PDE1C: variants seen among roughly 807,000 people sequenced by gnomAD.
PDE1C encodes phosphodiesterase 1C.
PDE1C carries 62 observed loss-of-function variants against 93.1 expected under a neutral mutation model. That is an observed-to-expected ratio of 0.67 (90% CI 0.54 to 0.82). The LOEUF (loss-of-function observed/expected upper bound fraction) is 0.82. PDE1C is among the 40% of genes least tolerant of loss of function. The pLI, the probability that PDE1C is intolerant of heterozygous loss-of-function variation, is 0.00. For synonymous variants in PDE1C, 325 were observed against 310.1 expected (o/e 1.05, Z -0.50); for missense variants, 742 against 884.6 (o/e 0.84, Z 2.04).
At chr7:31,981,617 C>T (rs979794922) in intron 2 of PDE1C, among the ~76,000 whole-genome samples, 4 of 152,144 alleles carry the variant, frequency 2.6e-5, no homozygotes, top group African/African-American at 4.8e-5. Flanking sequence ...ATGACAAAAT[C>T]TTGTCACTGC....
chr7:31,815,664 G>A (rs923425677), intron 15 of PDE1C, among the ~76,000 whole-genome samples: 1 of 145,146 alleles, frequency 6.9e-6, no homozygotes, highest in Non-Finnish European at 1.5e-5. Context: ...CTGGCAGGCA[G>A]GCAGGCACTG....
intron 3 of PDE1C, among the ~76,000 whole-genome samples, chr7:32,125,352 G>C (rs1799517997): frequency 1.3e-5 from 2 of 152,110 alleles, no homozygotes; most frequent in Admixed American, 6.5e-5. Context: ...ATTTGACCCA[G>C]TAATCCCATT....
intron 1 of PDE1C, among the ~76,000 whole-genome samples, chr7:32,338,007 A>G (rs1783664626): frequency 6.6e-6 from 1 of 152,204 alleles, no homozygotes; most frequent in Non-Finnish European, 1.5e-5. Flanking sequence ...AGCTAAAACT[A>G]AACACTCATA....
rs541164647 is a variant in PDE1C at position 31,991,555 on chromosome 7, AACAGC to A, written c.128+59994_128+59998del. ...TGGGAGCACTGTGAGGATGAAGTAA[AACAGC>A]ATATGCAATGCACCTCCGTAAAGCC... On this transcript the variant is annotated intron_variant, in intron 2 of 17. Coordinates refer to ENST00000396191, the MANE Select transcript of PDE1C (RefSeq NM_001191057.4). Among the ~76,000 whole-genome samples, 155 of 152,294 alleles carry A rather than the reference AACAGC, an allele frequency of 1.0e-3. 1 individual carries two copies. Among genetic ancestry groups the A allele is most frequent in the African/African-American group, 3.7e-3 (153 of 41,550 alleles).
At chr7:31,746,861 C>T (rs74732254), downstream of PDE1C, among the ~76,000 whole-genome samples, 1,718 of 152,192 alleles carry the variant, frequency 0.011, 24 homozygotes, top group African/African-American at 0.038. Flanking sequence ...AAGAGCCAAC[C>T]ATTTGGATTA....
At chr7:32,135,270 G>A (rs529107104) in intron 3 of PDE1C, among the ~76,000 whole-genome samples, 2 of 152,264 alleles carry the variant, frequency 1.3e-5, no homozygotes, top group South Asian at 2.1e-4. Context: ...TTTGAAAAAC[G>A]TTTAAGGCAG....
intron 1 of PDE1C, among the ~76,000 whole-genome samples, chr7:32,292,191 T>A (rs886182507): frequency 3.3e-5 from 5 of 152,108 alleles, no homozygotes; most frequent in Non-Finnish European, 7.4e-5. Flanking sequence ...AAATAATTTT[T>A]AAAAATTTAA....
At chr7:31,617,488 T>C in the PDE1C span, among the ~76,000 whole-genome samples, 2 of 120,140 alleles carry the variant, frequency 1.7e-5, no homozygotes, top group African/African-American at 6.4e-5. Context: ...TCAAAACTAT[T>C]CTGCTTTTTG....
intron 2 of PDE1C, among the ~76,000 whole-genome samples, chr7:31,885,710 C>T (rs937544655): frequency 6.6e-6 from 1 of 151,834 alleles, no homozygotes; most frequent in Non-Finnish European, 1.5e-5. Context: ...TCTTTTTTTT[C>T]CACAAAGATA....
chr7:32,404,717 G>A (rs1785016912), intron 1 of PDE1C, among the ~76,000 whole-genome samples: 1 of 152,112 alleles, frequency 6.6e-6, no homozygotes, highest in Non-Finnish European at 1.5e-5. Context: ...GTCTCTATGT[G>A]CGTGTGGGGT....
chr7:31,658,215 C>T, the PDE1C span: 1 of 1,432,510 alleles, frequency 7.0e-7, no homozygotes, highest in Middle Eastern at 1.8e-4. Context: ...CAGAAGAACA[C>T]TTCCCAGAAA....
intron 15 of PDE1C, among the ~76,000 whole-genome samples, chr7:31,813,708 A>G (rs928059964): frequency 3.3e-5 from 5 of 152,016 alleles, no homozygotes; most frequent in African/African-American, 9.7e-5. Flanking sequence ...GTTTGGTTAT[A>G]TAAGTAAGTT....
chr7:31,968,317 A>G (rs964531300), intron 2 of PDE1C, among the ~76,000 whole-genome samples: 12 of 152,136 alleles, frequency 7.9e-5, no homozygotes, highest in Non-Finnish European at 1.6e-4. Flanking sequence ...CACCAATAAC[A>G]GACAAACAGA....
At chr7:32,413,941 G>A (rs965461034) in intron 1 of PDE1C, among the ~76,000 whole-genome samples, 4 of 152,074 alleles carry the variant, frequency 2.6e-5, no homozygotes, top group Admixed American at 6.5e-5. Context: ...GACTGGGTGC[G>A]TTGGTTCATG....
intron 2 of PDE1C, among the ~76,000 whole-genome samples, chr7:32,047,845 C>G (rs540444803): frequency 6.6e-6 from 1 of 152,256 alleles, no homozygotes; most frequent in East Asian, 1.9e-4. Flanking sequence ...ATGTCCAAAT[C>G]AAACCTTTTA....
intron 1 of PDE1C, among the ~76,000 whole-genome samples, chr7:32,328,959 G>A (rs999752478): frequency 1.3e-5 from 2 of 152,138 alleles, no homozygotes; most frequent in Admixed American, 6.6e-5. Flanking sequence ...CTGGCCAGGC[G>A]TGACAGCTCA....
At chr7:32,021,101 G>C (rs187769770) in intron 2 of PDE1C, among the ~76,000 whole-genome samples, 96 of 152,132 alleles carry the variant, frequency 6.3e-4, no homozygotes, top group East Asian at 7.7e-4. Flanking sequence ...AGCCGTACTG[G>C]GGCCATCCAT....
At chr7:31,873,068 G>A (rs779012212) in intron 6 of PDE1C, among the ~76,000 whole-genome samples, 1 of 152,086 alleles carries the variant, frequency 6.6e-6, no homozygotes, top group Non-Finnish European at 1.5e-5. Flanking sequence ...GAATCTAAAT[G>A]GGTCTCTCCT....
intron 16 of PDE1C, chr7:31,789,856 C>T (rs1325679892): frequency 9.8e-7 from 1 of 1,023,926 alleles, no homozygotes; most frequent in Non-Finnish European, 1.2e-6. Context: ...GTGTGTGTGG[C>T]TTTTTTCAGG....
Sources: allele counts gnomAD v4.1 joint callset (sites outside exome capture counted in the v4.1 genomes callset), GRCh38; gene constraint gnomAD v4.1.1; transcripts MANE v1.5; gene names NCBI Gene and HGNC (gene_info 2026-07-23, HGNC 2026-07-21).